HAS2: variants seen among roughly 807,000 people sequenced by gnomAD.
The protein encoded by HAS2 is HA synthase 2.
A neutral mutation model predicts 51.6 loss-of-function variants in HAS2; 16 were observed. That is an observed-to-expected ratio of 0.31 (90% CI 0.21 to 0.47). HAS2 has a LOEUF of 0.47. Among genes scored for constraint, HAS2 ranks in the 20% least tolerant of loss-of-function variants. HAS2 has a pLI of 1.00. For synonymous variants in HAS2, 228 were observed against 235.5 expected, an observed-to-expected ratio of 0.97 and a Z score of 0.29; for missense variants, 361 against 662.6, an observed-to-expected ratio of 0.54 and a Z score of 5.00.
intron 1 of HAS2, among the ~76,000 whole-genome samples, chr8:121,635,788 C>T (rs945479338): frequency 1.3e-5 from 2 of 152,162 alleles, no homozygotes; most frequent in Non-Finnish European, 2.9e-5. Flanking sequence ...CTAATGAAGG[C>T]GTGAACTGGT....
At chr8:121,625,097 C>CAAAA (rs537345385) in intron 2 of HAS2, among the ~76,000 whole-genome samples, 5 of 57,902 alleles carry the variant, frequency 8.6e-5, no homozygotes, top group South Asian at 7.9e-4. Context: ...GACTCCGTCT[C>CAAAA]AAAAAAAAAA....
chr8:121,634,489 T>C (rs1312250397), intron 1 of HAS2, among the ~76,000 whole-genome samples: 2 of 151,938 alleles, frequency 1.3e-5, no homozygotes, highest in African/African-American at 4.8e-5. Context: ...TATATATGTA[T>C]GGCCGGAGAG....
intron 2 of HAS2, among the ~76,000 whole-genome samples, chr8:121,625,517 C>A (rs1812835093): frequency 6.9e-6 from 1 of 144,214 alleles, no homozygotes; most frequent in South Asian, 2.2e-4. Context: ...TTCCCTTCAA[C>A]TTTTTTTTTT....
At chr8:121,628,245 C>G (rs1334756793) in intron 2 of HAS2, among the ~76,000 whole-genome samples, 2 of 151,866 alleles carry the variant, frequency 1.3e-5, no homozygotes, top group Non-Finnish European at 2.9e-5. Flanking sequence ...GTTCTCACCA[C>G]CCTCATTTTG....
Position 121,613,409 on chromosome 8 carries a change from G to T in HAS2, c.*700C>A, listed in dbSNP as rs1812662419. 6.6e-6 allele frequency: 1 copy of T among 152,584 alleles called. No homozygotes were observed. Among genetic ancestry groups the T allele is most frequent in the African/African-American group, 2.4e-5 (1 of 41,446 alleles). 9.5% of individuals were successfully genotyped at this position (152,584 alleles called of 1,614,324 possible). A position where few individuals can be genotyped will look rare whatever the true frequency, so the allele number is the denominator to read the frequency against. ...ACTATTCAATTTTAAAAGGTAGAGAGAGAGAAACATTTTATTCTTTCTATC... is the reference window on the plus strand; with the variant it reads ...ACTATTCAATTTTAAAAGGTAGAGATAGAGAAACATTTTATTCTTTCTATC... On this transcript the variant is annotated 3_prime_UTR_variant, in exon 4 of 4. Transcript: ENST00000303924.
Position 121,630,744 on chromosome 8 carries a change from C to T in HAS2, c.1-1404G>A, listed in dbSNP as rs113742707. Reference sequence around the variant, plus strand: ...TTTGCAAAATCTTTTGCTTGATGTGCTATTTATAATTTCGTAATCCACATG... The same window carrying T: ...TTTGCAAAATCTTTTGCTTGATGTGTTATTTATAATTTCGTAATCCACATG... On this transcript the variant is annotated intron_variant, in intron 1 of 3. Coordinates refer to ENST00000303924, the MANE Select transcript of HAS2 (RefSeq NM_005328.3). Among the ~76,000 whole-genome samples the T allele has an allele frequency of 9.0e-3, 1,369 of 152,200 alleles. 19 individuals carry two copies. Among genetic ancestry groups the T allele is most frequent in the African/African-American group, 0.031 (1,270 of 41,508 alleles).
rs776157222 is a variant in HAS2, at chr8:121,614,155, C to T, written c.1613G>A (p.Gly538Asp). 6.2e-7 allele frequency: 1 copy of T among 1,614,166 alleles called. No homozygotes were observed. ...TLYVVLINKC[G>D]RRKKGQQYDM... ...ATATTGTTGTCCCTTCTTCCGCCTG[C>T]CACACTTATTGATGAGAACTACATA... Residue 538 changes from glycine (G) to aspartate (D), a missense_variant, in exon 4 of 4, where the codon GGC becomes GAC. Transcript: ENST00000303924. The surrounding 1 kb of genome is among the most constrained non-coding windows in gnomAD (Gnocchi z 7.2).
intron 1 of HAS2, among the ~76,000 whole-genome samples, chr8:121,632,490 G>A (rs1812947673): frequency 6.6e-6 from 1 of 152,050 alleles, no homozygotes; most frequent in African/African-American, 2.4e-5. Context: ...TTTTCCCCCA[G>A]TATGAGACTT....
At chr8:121,620,971 G>A (rs1228248292) in intron 2 of HAS2, among the ~76,000 whole-genome samples, 1 of 152,190 alleles carries the variant, frequency 6.6e-6, no homozygotes, top group Non-Finnish European at 1.5e-5. Context: ...GGAAAGCTCA[G>A]AAAGGCATGC....
intron 1 of HAS2, 149 bp from the exon 2 acceptor site, chr8:121,629,489 C>A: frequency 1.5e-6 from 1 of 659,788 alleles, no homozygotes; most frequent in South Asian, 2.0e-5. Flanking sequence ...ACTTTCTGCA[C>A]TTCAGTTTGC....
intron 1 of HAS2, among the ~76,000 whole-genome samples, chr8:121,640,446 G>GTGTGTGTGTGTGTGTGTGTGTGTGTGT (rs1563625817): frequency 8.2e-6 from 1 of 121,770 alleles, no homozygotes; most frequent in Non-Finnish European, 1.9e-5. Flanking sequence ...TGTGTGTGTG[G>GTGTGTGTGTGTGTGTGTGTGTGTGTGT]GAAAAAAAGA....
chr8:121,622,243 A>C (rs1177721801), intron 2 of HAS2, among the ~76,000 whole-genome samples: 1 of 152,144 alleles, frequency 6.6e-6, no homozygotes, highest in Non-Finnish European at 1.5e-5. Flanking sequence ...AGTAAATACA[A>C]GATGCTACCA....
rs935525398 is a variant in HAS2 at position 121,612,570 on chromosome 8, A to G, written c.*1539T>C. ...TTCATATATTCCGATTGTGTTTTCA[A>G]CACAGGTCTACACAGCACCAGCTAC... On this transcript the variant is annotated 3_prime_UTR_variant, in exon 4 of 4. Coordinates refer to ENST00000303924, the MANE Select transcript of HAS2 (RefSeq NM_005328.3). 2.0e-5 allele frequency: 3 copies of G among 152,168 alleles called. No homozygotes were observed. Among genetic ancestry groups the G allele is most frequent in the Non-Finnish European group, 4.4e-5 (3 of 68,016 alleles). The allele number at this position is 152,168 out of a possible 1,614,324, so 9.4% of individuals were successfully genotyped here. A position where few individuals can be genotyped will look rare whatever the true frequency, so the allele number is the denominator to read the frequency against.
chr8:121,636,933 A>G (rs1426729510), intron 1 of HAS2, among the ~76,000 whole-genome samples: 1 of 152,204 alleles, frequency 6.6e-6, no homozygotes, highest in Non-Finnish European at 1.5e-5. Flanking sequence ...CAAGGGCATT[A>G]TATTCCAAGA....
At chr8:121,637,018 G>A in intron 1 of HAS2, among the ~76,000 whole-genome samples, 1 of 152,096 alleles carries the variant, frequency 6.6e-6, no homozygotes, top group East Asian at 1.9e-4. Context: ...CTGAGGCAAA[G>A]TTCTTTTACT....
At chr8:121,633,398 C>T (rs939725249) in intron 1 of HAS2, among the ~76,000 whole-genome samples, 5 of 152,092 alleles carry the variant, frequency 3.3e-5, no homozygotes, top group African/African-American at 1.2e-4. Context: ...CCTGCCTTGG[C>T]CTTCCAAAGT....
intron 2 of HAS2, 83 bp from the exon 3 acceptor site, chr8:121,617,289 A>G: frequency 1.3e-6 from 1 of 760,396 alleles, no homozygotes; most frequent in Non-Finnish European, 2.2e-6. Flanking sequence ...TCACATACAT[A>G]CTGTGTCCTC....
intron 2 of HAS2, among the ~76,000 whole-genome samples, chr8:121,625,326 G>A (rs1321403336): frequency 6.6e-6 from 1 of 151,992 alleles, no homozygotes; most frequent in Non-Finnish European, 1.5e-5. Context: ...CCATAAGCCT[G>A]TGTTACTTTT....
intron 2 of HAS2, among the ~76,000 whole-genome samples, chr8:121,625,825 TA>T: frequency 6.6e-6 from 1 of 152,130 alleles, no homozygotes. Context: ...TGGCCCTCTT[TA>T]ACTTCTTTTC....
Sources: gnomAD v4.1 joint callset for allele counts (sites outside exome capture counted in the v4.1 genomes callset) on GRCh38, gnomAD v4.1.1 for gene constraint, Gnocchi (gnomAD v3.1) non-coding constraint, MANE v1.5 for transcripts, NCBI Gene and HGNC (gene_info 2026-07-23, HGNC 2026-07-21) for gene names.